Variants in TENM3 observed in about 807,000 individuals in gnomAD.
The protein encoded by TENM3 is teneurin transmembrane protein 3.
Under a neutral mutation model 255.1 loss-of-function variants are expected in TENM3, and 63 were observed. The ratio of observed to expected loss-of-function variants is 0.25; its 90% CI spans 0.20 to 0.30. The LOEUF (loss-of-function observed/expected upper bound fraction) is 0.30. Ranked by LOEUF, TENM3 falls within the 10% of genes least tolerant of loss-of-function variation. The pLI, the probability that TENM3 is intolerant of heterozygous loss-of-function variation, is 1.00. For synonymous variants in TENM3, 1,306 were observed against 1,322.3 expected, an observed-to-expected ratio of 0.99 and a Z score of 0.27; for missense variants, 2,929 against 3,461.1, an observed-to-expected ratio of 0.85 and a Z score of 3.86.
At position 182,453,026 on chromosome 4, in the gene TENM3, GTATATA is replaced by G. The variant is rs10531343; in HGVS notation, c.511+106109_511+106114del. Among the ~76,000 whole-genome samples, 5 of 150,362 alleles carry G rather than the reference GTATATA, an allele frequency of 3.3e-5. No individual in the cohort carries two copies. The East Asian group carries it at 9.8e-4, about 29-fold the overall frequency. On this transcript the variant is annotated intron_variant, in intron 3 of 27. Coordinates refer to ENST00000511685, the MANE Select transcript of TENM3 (RefSeq NM_001080477.4). Reference sequence around the variant, plus strand: ...TACTATAGAGATTATTTTTATATGTGTATATATATATATATATGCATACATATATAG... The same window carrying G: ...TACTATAGAGATTATTTTTATATGTGTATATATATATGCATACATATATAG...
intron 3 of TENM3, chr4:182,449,007 A>G (rs781097886): frequency 8.5e-5 from 34 of 399,876 alleles, no homozygotes; most frequent in Non-Finnish European, 2.0e-5. Context: ...CTGTAACACG[A>G]TACGCTCCAG....
At chr4:182,561,016 G>A (rs577060187) in intron 3 of TENM3, among the ~76,000 whole-genome samples, 1 of 152,148 alleles carries the variant, frequency 6.6e-6, no homozygotes, top group Non-Finnish European at 1.5e-5. Context: ...AAGAATGCAC[G>A]GTTTAATTTG....
At position 182,800,515 on chromosome 4, in the gene TENM3, T is replaced by A; in HGVS notation, c.*164T>A. On this transcript the variant is annotated 3_prime_UTR_variant, in exon 28 of 28. Coordinates refer to ENST00000511685, the MANE Select transcript of TENM3 (RefSeq NM_001080477.4). ...AAAACAAGGACCGCTTTTTTCCGAA[T>A]GACCTTAAAGGTGATCGGCTTTAAC... The A allele has an allele frequency of 1.2e-6, 1 of 828,808 alleles. No homozygotes were observed. The highest frequency in any genetic ancestry group is 1.8e-5 in the South Asian group (1 of 55,184). The allele number at this position is 828,808 out of a possible 1,614,324, so 51.3% of individuals were successfully genotyped here.
At chr4:182,641,837 A>G (rs986718746) in intron 5 of TENM3, among the ~76,000 whole-genome samples, 3 of 152,174 alleles carry the variant, frequency 2.0e-5, no homozygotes, top group African/African-American at 4.8e-5. Context: ...TATGTGTGCA[A>G]TTCTTAAAGC....
chr4:181,693,302 G>A, the TENM3 span, among the ~76,000 whole-genome samples: 3 of 152,204 alleles, frequency 2.0e-5, no homozygotes, highest in East Asian at 5.8e-4. Context: ...TATTCATTTC[G>A]CTATGACTCG....
chr4:182,137,342 CCA>C, the TENM3 span, among the ~76,000 whole-genome samples: 7 of 151,684 alleles, frequency 4.6e-5, no homozygotes, highest in Admixed American at 6.6e-5. Context: ...CTCCCCCCCC[CCA>C]AAAAGGAATG....
the TENM3 span, among the ~76,000 whole-genome samples, chr4:181,813,575 A>G: frequency 2.6e-5 from 4 of 152,220 alleles, no homozygotes; most frequent in Admixed American, 2.6e-4. Flanking sequence ...GAAAAAGTTA[A>G]GAGACCAGGA....
chr4:181,891,876 GTTGT>G, the TENM3 span, among the ~76,000 whole-genome samples: 2 of 152,210 alleles, frequency 1.3e-5, no homozygotes, highest in Middle Eastern at 3.4e-3. Context: ...AAGGGGAGAG[GTTGT>G]TTAAGAGGTG....
chr4:182,229,711 A>T (rs1041122186), intron 1 of TENM3, among the ~76,000 whole-genome samples: 9 of 151,764 alleles, frequency 5.9e-5, no homozygotes, highest in African/African-American at 1.7e-4. Flanking sequence ...TTGTAAGAAG[A>T]TCAAACCCCA....
At chr4:181,546,048 C>T in the TENM3 span, among the ~76,000 whole-genome samples, 124 of 152,294 alleles carry the variant, frequency 8.1e-4, 1 homozygote, top group Non-Finnish European at 1.4e-3. Flanking sequence ...CTGTTATTGC[C>T]ACGGTTTCCC....
intron 3 of TENM3, among the ~76,000 whole-genome samples, chr4:182,523,105 C>A (rs527501356): frequency 2.0e-5 from 3 of 152,158 alleles, no homozygotes; most frequent in Admixed American, 6.6e-5. Flanking sequence ...TGAGAAATGT[C>A]TGTTCAGGCC....
At chr4:182,243,154 G>T (rs1261028697), upstream of TENM3, among the ~76,000 whole-genome samples, 2 of 152,144 alleles carry the variant, frequency 1.3e-5, no homozygotes, top group East Asian at 3.9e-4. Context: ...CGCTCTTGTC[G>T]CTCAGGCTGG....
At chr4:181,471,325 C>T in the TENM3 span, among the ~76,000 whole-genome samples, 2 of 152,218 alleles carry the variant, frequency 1.3e-5, no homozygotes, top group African/African-American at 4.8e-5. Context: ...GATTCCACAT[C>T]CACTTTGTTG....
At chr4:181,823,530 G>A in the TENM3 span, among the ~76,000 whole-genome samples, 3 of 152,184 alleles carry the variant, frequency 2.0e-5, no homozygotes, top group Admixed American at 2.0e-4. Context: ...GGCATCAAGA[G>A]GAAAATAAGG....
At chr4:182,648,166 A>T (rs751813725) in intron 5 of TENM3, among the ~76,000 whole-genome samples, 2 of 152,192 alleles carry the variant, frequency 1.3e-5, no homozygotes, top group Non-Finnish European at 2.9e-5. Context: ...CACCTGCAAC[A>T]TCATGAAAGG....
chr4:182,754,321 C>A lies in TENM3; in HGVS notation c.4018-64C>A. 4 of 1,451,504 alleles carry A rather than the reference C, an allele frequency of 2.8e-6. No individual in the cohort carries two copies. Among genetic ancestry groups the A allele is most frequent in the Non-Finnish European group, 3.7e-6 (4 of 1,088,652 alleles). The allele number at this position is 1,451,504 out of a possible 1,614,324, so 89.9% of individuals were successfully genotyped here. A position where few individuals can be genotyped will look rare whatever the true frequency, so the allele number is the denominator to read the frequency against. ...CAATTTCCCTGAATGGTCTAATTTA[C>A]TCTTCTGGCGAATTAACTGTAGTGC... On this transcript the variant is annotated intron_variant, in intron 21 of 27. Transcript: ENST00000511685. This position sits in a 1 kb window ranked among gnomAD's most constrained non-coding sequence, Gnocchi z 5.1.
At chr4:182,418,763 A>G (rs1291472088) in intron 3 of TENM3, among the ~76,000 whole-genome samples, 5 of 152,062 alleles carry the variant, frequency 3.3e-5, no homozygotes, top group Non-Finnish European at 7.4e-5. Context: ...GTGTTTCGCC[A>G]TGTTGCCCAG....
intron 3 of TENM3, among the ~76,000 whole-genome samples, chr4:182,540,038 G>A (rs1212822958): frequency 6.6e-6 from 1 of 152,212 alleles, no homozygotes; most frequent in Non-Finnish European, 1.5e-5. Context: ...GAACCTAATT[G>A]ATACAAAGTT....
intron 1 of TENM3, among the ~76,000 whole-genome samples, chr4:182,318,254 A>G (rs1313304083): frequency 2.6e-5 from 4 of 152,174 alleles, no homozygotes. Flanking sequence ...GTCTCTACAT[A>G]GATATATATA....
Sources: gnomAD v4.1 joint callset for allele counts (sites outside exome capture counted in the v4.1 genomes callset) on GRCh38, gnomAD v4.1.1 for gene constraint, Gnocchi (gnomAD v3.1) non-coding constraint, MANE v1.5 for transcripts, NCBI Gene and HGNC (gene_info 2026-07-23, HGNC 2026-07-21) for gene names.